Variants in PCLO observed in about 807,000 individuals in gnomAD.
PCLO encodes piccolo presynaptic cytomatrix protein, also known as protein piccolo.
Under a neutral mutation model 427.5 loss-of-function variants are expected in PCLO, and 82 were observed. The ratio of observed to expected loss-of-function variants is 0.19; its 90% CI spans 0.16 to 0.23. The LOEUF (loss-of-function observed/expected upper bound fraction) is 0.23. PCLO is among the 10% of genes least tolerant of loss of function. PCLO has a pLI of 1.00. For missense variants in PCLO, 6,239 were observed against 6,115.9 expected (o/e 1.02, Z -0.67); for synonymous variants, 2,357 against 2,155.4 (o/e 1.09, Z -2.59).
chr7:82,984,729 A>G (rs1796221851), intron 3 of PCLO, among the ~76,000 whole-genome samples: 1 of 152,006 alleles, frequency 6.6e-6, no homozygotes, highest in African/African-American at 2.4e-5. Flanking sequence ...TGGGTGTAAT[A>G]TAACACAGTC....
intron 3 of PCLO, among the ~76,000 whole-genome samples, chr7:83,085,330 T>C (rs1790203572): frequency 6.6e-6 from 1 of 152,160 alleles, no homozygotes; most frequent in Non-Finnish European, 1.5e-5. Context: ...CTAAAACCAT[T>C]AATTGCTGTT....
At position 82,953,752 on chromosome 7, in the gene PCLO, T is replaced by A. The variant is rs1421153738; in HGVS notation, c.7201A>T (p.Ile2401Leu). 2.6e-5 allele frequency: 40 copies of A among 1,545,524 alleles called. No individual in the cohort carries two copies. Among genetic ancestry groups the A allele is most frequent in the Non-Finnish European group, 3.4e-5 (39 of 1,143,300 alleles). Residue 2401 changes from isoleucine (I) to leucine (L), a missense_variant, in exon 5 of 25, where the codon ATA becomes TTA. Physicochemically the swap from Ile to Leu is conservative, Grantham distance 5. This residue lies in a region of PCLO where 4,677 missense variants were observed against 4,468.4 expected (regional missense o/e 1.05). Transcript: ENST00000333891. ...GGAGGGGGAGGAGGTTGAGCTGATA[T>A]ATCCAAAGAAGAACTTCTAAAGAAT... ...RPFFRSSSLD[I>L]SAQPPPPPPP...
At chr7:82,892,956 A>C (rs1384947262) in intron 9 of PCLO, among the ~76,000 whole-genome samples, 1 of 152,156 alleles carries the variant, frequency 6.6e-6, no homozygotes, top group East Asian at 1.9e-4. Flanking sequence ...AGACATAGGA[A>C]CACTTTTACA....
intron 3 of PCLO, among the ~76,000 whole-genome samples, chr7:83,093,748 C>G (rs1213379156): frequency 6.7e-6 from 1 of 148,564 alleles, no homozygotes; most frequent in East Asian, 2.0e-4. Context: ...CAGCCTCGGC[C>G]TCCCAAAGCG....
At chr7:83,071,822 G>A (rs1329507389) in intron 3 of PCLO, among the ~76,000 whole-genome samples, 1 of 152,100 alleles carries the variant, frequency 6.6e-6, no homozygotes, top group Non-Finnish European at 1.5e-5. Flanking sequence ...GTTGTTGGAA[G>A]ATGAATGATT....
At position 82,946,246 on chromosome 7, in the gene PCLO, C is replaced by T. The variant is rs1209567240; in HGVS notation, c.11112+3230G>A. Among the ~76,000 whole-genome samples the T allele has an allele frequency of 2.6e-5, 4 of 152,106 alleles. No homozygotes were observed. The East Asian group carries it at 7.7e-4, about 29-fold the overall frequency. On this transcript the variant is annotated intron_variant, in intron 6 of 24. Coordinates refer to ENST00000333891, the MANE Select transcript of PCLO (RefSeq NM_033026.6). ...AGTCTTTTCAATATAAATCTTTTCCCATTCCTTCTATGATTATAATCTTCC... is the reference window on the plus strand; with the variant it reads ...AGTCTTTTCAATATAAATCTTTTCCTATTCCTTCTATGATTATAATCTTCC...
chr7:83,110,247 T>C (rs1790969305), intron 3 of PCLO, among the ~76,000 whole-genome samples: 1 of 151,950 alleles, frequency 6.6e-6, no homozygotes, highest in Non-Finnish European at 1.5e-5. Flanking sequence ...GAATAATTTG[T>C]ATATTTAAAT....
chr7:82,874,171 G>GT (rs1793310646), intron 10 of PCLO, among the ~76,000 whole-genome samples: 1 of 139,422 alleles, frequency 7.2e-6, no homozygotes, highest in Non-Finnish European at 1.6e-5. Context: ...TGAAAACAAA[G>GT]GTTTTTTTTT....
intron 9 of PCLO, among the ~76,000 whole-genome samples, chr7:82,887,239 G>A (rs961783764): frequency 1.3e-5 from 2 of 152,178 alleles, no homozygotes; most frequent in Non-Finnish European, 2.9e-5. Context: ...ATACAAAAAA[G>A]CTGAGAACTC....
At chr7:82,880,164 A>T (rs986466846) in intron 9 of PCLO, among the ~76,000 whole-genome samples, 2 of 152,098 alleles carry the variant, frequency 1.3e-5, no homozygotes, top group Admixed American at 6.5e-5. Flanking sequence ...TGTGTTTTTT[A>T]AAAAATAGCT....
At chr7:82,761,581 T>G (rs1280805530) in intron 22 of PCLO, 88 bp from the exon 23 acceptor site, 1 of 943,972 alleles carries the variant, frequency 1.1e-6, no homozygotes, top group Non-Finnish European at 1.6e-6. Flanking sequence ...ATTCATTTAC[T>G]CTTTATCAAG....
intron 9 of PCLO, among the ~76,000 whole-genome samples, chr7:82,880,922 C>CA (rs1261976875): frequency 3.9e-5 from 6 of 152,142 alleles, no homozygotes; most frequent in African/African-American, 1.4e-4. Flanking sequence ...AACATGGGAA[C>CA]AGATCCTAAA....
At chr7:83,069,402 TG>T (rs1789749422) in intron 3 of PCLO, among the ~76,000 whole-genome samples, 1 of 152,200 alleles carries the variant, frequency 6.6e-6, no homozygotes, top group Non-Finnish European at 1.5e-5. Flanking sequence ...AATTTGATTG[TG>T]GTAATAATTA....
chr7:82,971,679 ATTTG>A (rs1469232455), intron 3 of PCLO, among the ~76,000 whole-genome samples: 3 of 148,182 alleles, frequency 2.0e-5, no homozygotes, highest in Non-Finnish European at 4.5e-5. Flanking sequence ...TCCAATTCAA[ATTTG>A]TTTATTACTT....
chr7:83,001,273 A>G (rs1787817160), intron 3 of PCLO, among the ~76,000 whole-genome samples: 2 of 152,170 alleles, frequency 1.3e-5, no homozygotes, highest in Admixed American at 6.6e-5. Flanking sequence ...GGGTACAGAA[A>G]GAGAAACAGC....
chr7:83,161,220 A>G (rs1792427693), intron 1 of PCLO, among the ~76,000 whole-genome samples: 1 of 133,548 alleles, frequency 7.5e-6, no homozygotes, highest in South Asian at 2.4e-4. Context: ...CTTACGTGAT[A>G]GTGACTAAGT....
intron 9 of PCLO, among the ~76,000 whole-genome samples, chr7:82,881,697 T>G (rs1001170367): frequency 2.6e-5 from 4 of 152,188 alleles, no homozygotes; most frequent in African/African-American, 7.2e-5. Flanking sequence ...CTTGCTGGAG[T>G]GCAATGGTGT....
chr7:82,776,326 C>T (rs925323665), intron 22 of PCLO, among the ~76,000 whole-genome samples: 5 of 152,240 alleles, frequency 3.3e-5, no homozygotes, highest in African/African-American at 1.2e-4. Context: ...GGCGTGGTGG[C>T]TCATGCTTGT....
chr7:82,851,833 C>T (rs1364403224), intron 10 of PCLO, among the ~76,000 whole-genome samples: 3 of 152,094 alleles, frequency 2.0e-5, no homozygotes, highest in Non-Finnish European at 4.4e-5. Flanking sequence ...ACACATCTTG[C>T]AAGTGGGGTT....
Sources: allele counts gnomAD v4.1 joint callset (sites outside exome capture counted in the v4.1 genomes callset), GRCh38; gene constraint gnomAD v4.1.1; regional missense constraint gnomAD v4.1.1; transcripts MANE v1.5; gene names NCBI Gene and HGNC (gene_info 2026-07-23, HGNC 2026-07-21).